Variants in PLCB4 observed in about 807,000 individuals in gnomAD.
The protein encoded by PLCB4 is 1-phosphatidylinositol 4,5-bisphosphate phosphodiesterase beta-4.
A neutral mutation model predicts 178.8 loss-of-function variants in PLCB4; 77 were observed. The observed-to-expected ratio is 0.43, with a 90% CI of 0.36 to 0.52. The LOEUF is 0.52. Among genes scored for constraint, PLCB4 ranks in the 20% least tolerant of loss-of-function variants. The pLI, the probability that PLCB4 is intolerant of heterozygous loss-of-function variation, is 0.00. For synonymous variants in PLCB4, 496 were observed against 490.8 expected, an observed-to-expected ratio of 1.01 and a Z score of -0.14; for missense variants, 1,024 against 1,453.4, an observed-to-expected ratio of 0.70 and a Z score of 4.80.
At chr20:9,189,358 G>A (rs1351974372) in intron 2 of PLCB4, among the ~76,000 whole-genome samples, 1 of 89,638 alleles carries the variant, frequency 1.1e-5, no homozygotes, top group African/African-American at 5.2e-5. Context: ...TTCTGGGTTG[G>A]TTAACTGTTC....
intron 4 of PLCB4, among the ~76,000 whole-genome samples, chr20:9,308,909 T>C (rs2094800051): frequency 1.3e-5 from 2 of 152,238 alleles, no homozygotes; most frequent in Non-Finnish European, 2.9e-5. Context: ...AACAGTGAAC[T>C]GCATTCTGCT....
chr20:9,339,783 CT>C (rs1427215746), intron 7 of PLCB4, among the ~76,000 whole-genome samples: 9 of 152,186 alleles, frequency 5.9e-5, no homozygotes, highest in African/African-American at 2.2e-4. Flanking sequence ...CAAACCCCCC[CT>C]CCCAATAAGT....
At chr20:9,228,791 AGAAATGGGCTAGGGCAGAAGGCCC>A (rs2093897690) in intron 3 of PLCB4, among the ~76,000 whole-genome samples, 1 of 152,210 alleles carries the variant, frequency 6.6e-6, no homozygotes, top group South Asian at 2.1e-4. Flanking sequence ...GGAGGAAGAA[AGAAATGGGCTAGGGCAGAAGGCCC>A]AGGGCCATCT....
chr20:9,361,806 T>C (rs1246437704), intron 7 of PLCB4, among the ~76,000 whole-genome samples: 1 of 152,152 alleles, frequency 6.6e-6, no homozygotes, highest in East Asian at 1.9e-4. Flanking sequence ...TGTCCAACAG[T>C]CCCATCTGTG....
At chr20:9,154,485 G>T (rs765540893) in intron 2 of PLCB4, among the ~76,000 whole-genome samples, 14 of 152,122 alleles carry the variant, frequency 9.2e-5, no homozygotes, top group Non-Finnish European at 1.9e-4. Context: ...AATTTTGTTG[G>T]TGTGTGTTTC....
At position 9,424,293 on chromosome 20, in the gene PLCB4, ATATCT is replaced by A. The variant is rs1409197851; in HGVS notation, c.2524+346_2524+350del. Among the ~76,000 whole-genome samples, 10 of 152,344 alleles carry A rather than the reference ATATCT, an allele frequency of 6.6e-5. 1 individual carries two copies. Among genetic ancestry groups the A allele is most frequent in the South Asian group, 4.1e-4 (2 of 4,826 alleles). ...AAACATAAATAAGGTGAAACCATAG[ATATCT>A]TATCAATAGTATCGCTAAAAGATTT... On this transcript the variant is annotated intron_variant, in intron 28 of 39. Coordinates refer to ENST00000378473, the MANE Select transcript of PLCB4 (RefSeq NM_001377142.1).
chr20:9,154,921 T>C (rs866971394), intron 2 of PLCB4, among the ~76,000 whole-genome samples: 2 of 125,044 alleles, frequency 1.6e-5, no homozygotes, highest in African/African-American at 6.1e-5. Flanking sequence ...CCTTCCTTCC[T>C]TCCTTCCTTC....
At chr20:9,357,002 G>C (rs1228047623) in intron 7 of PLCB4, among the ~76,000 whole-genome samples, 2 of 152,114 alleles carry the variant, frequency 1.3e-5, no homozygotes, top group East Asian at 3.9e-4. Flanking sequence ...TGTGGTCTCA[G>C]CTTCTGGGAG....
intron 2 of PLCB4, among the ~76,000 whole-genome samples, chr20:9,106,812 GA>G (rs1240544339): frequency 6.6e-6 from 1 of 151,974 alleles, no homozygotes; most frequent in East Asian, 1.9e-4. Flanking sequence ...CTATTTCTAG[GA>G]ATTTGTTGTA....
At position 9,320,270 on chromosome 20, in the gene PLCB4, A is replaced by G. The variant is rs1190982836; in HGVS notation, c.84+12372A>G. On this transcript the variant is annotated intron_variant, in intron 4 of 39. Transcript: ENST00000378473. Reference sequence around the variant, plus strand: ...TCCCCTTTTTAGACTATATAGGGTAACTTCCGGACATTGCCGTGGCATTTG... The same window carrying G: ...TCCCCTTTTTAGACTATATAGGGTAGCTTCCGGACATTGCCGTGGCATTTG... Among the ~76,000 whole-genome samples the G allele has an allele frequency of 6.6e-5, 10 of 152,282 alleles. No homozygotes were observed. The East Asian group carries it at 1.9e-3, about 29-fold the overall frequency.
At chr20:9,465,263 A>C (rs982927814) in intron 35 of PLCB4, among the ~76,000 whole-genome samples, 6 of 152,330 alleles carry the variant, frequency 3.9e-5, no homozygotes, top group Admixed American at 3.9e-4. Flanking sequence ...TCAATAAACT[A>C]GATATTGATG....
At chr20:9,428,817 A>G (rs1168443320) in intron 28 of PLCB4, among the ~76,000 whole-genome samples, 2 of 152,160 alleles carry the variant, frequency 1.3e-5, no homozygotes, top group East Asian at 1.9e-4. Flanking sequence ...GAGGCACTCA[A>G]TGATTTGAAA....
At chr20:9,083,571 G>C (rs1241744329) in intron 1 of PLCB4, among the ~76,000 whole-genome samples, 1 of 152,142 alleles carries the variant, frequency 6.6e-6, no homozygotes, top group African/African-American at 2.4e-5. Flanking sequence ...TTGTGCCCTG[G>C]GCCTTCAGAA....
At position 9,144,770 on chromosome 20, in the gene PLCB4, AATGAGGGGG is replaced by A. The variant is rs2092566614; in HGVS notation, c.-79+48430_-79+48438del. Among the ~76,000 whole-genome samples the A allele has an allele frequency of 1.6e-4, 8 of 51,232 alleles. No homozygotes were observed. In the Admixed American group the frequency reaches 1.8e-3, roughly 11 times the overall value. The allele number at this position is 51,232 out of a possible 152,430, so 33.6% of individuals were successfully genotyped here. A position where few individuals can be genotyped will look rare whatever the true frequency, so the allele number is the denominator to read the frequency against. On this transcript the variant is annotated intron_variant, in intron 2 of 39. Transcript: ENST00000378473. ...GGAGGGGAAGGAGGGGAAGGAGGGG[AATGAGGGGG>A]AGGAGGGGTAGGAGGAGAAGGAGAA... is the stretch of plus-strand genomic sequence containing the variant.
At chr20:9,234,119 A>G (rs1323330169) in intron 3 of PLCB4, among the ~76,000 whole-genome samples, 2 of 152,168 alleles carry the variant, frequency 1.3e-5, no homozygotes, top group East Asian at 3.9e-4. Context: ...GGTAAGGTGA[A>G]TAAAAAAAGG....
chr20:9,327,971 C>T (rs1056760437), intron 4 of PLCB4, among the ~76,000 whole-genome samples: 5 of 152,164 alleles, frequency 3.3e-5, no homozygotes, highest in African/African-American at 1.2e-4. Context: ...AACCCTAAAG[C>T]CTATGTAAAA....
rs554832766 is a variant in PLCB4, at chr20:9,129,034, T to C, written c.-79+32692T>C. 3.9e-5 allele frequency among the ~76,000 whole-genome samples: 6 copies of C among 152,348 alleles called. No individual in the cohort carries two copies. In the East Asian group the frequency reaches 1.2e-3, roughly 29 times the overall value. On this transcript the variant is annotated intron_variant, in intron 2 of 39. Transcript: ENST00000378473. ...TGTTTTAAGGCTGAATACTGTTCCA[T>C]TATATGTGTATACCACATTTTGTTG...
intron 2 of PLCB4, among the ~76,000 whole-genome samples, chr20:9,210,324 G>A (rs1285650511): frequency 1.3e-5 from 2 of 152,118 alleles, no homozygotes; most frequent in African/African-American, 4.8e-5. Flanking sequence ...GAAATGAATG[G>A]CTAAAGTAGC....
intron 32 of PLCB4, among the ~76,000 whole-genome samples, chr20:9,451,524 A>G (rs1392392214): frequency 6.6e-6 from 1 of 152,220 alleles, no homozygotes; most frequent in Non-Finnish European, 1.5e-5. Context: ...CTTAGAAAGA[A>G]GACTAGGAGG....
Sources: allele counts gnomAD v4.1 joint callset (sites outside exome capture counted in the v4.1 genomes callset), GRCh38; gene constraint gnomAD v4.1.1; transcripts MANE v1.5; gene names NCBI Gene and HGNC (gene_info 2026-07-23, HGNC 2026-07-21).